The following CFAP206 variants were observed in gnomAD, a reference collection of about 807,000 sequenced individuals.
The protein encoded by CFAP206 is cilia- and flagella-associated protein 206.
Under a neutral mutation model 65.4 loss-of-function variants are expected in CFAP206, and 53 were observed. The ratio of observed to expected loss-of-function variants is 0.81; its 90% CI spans 0.65 to 1.02. The LOEUF is 1.02. Ranked by LOEUF, CFAP206 falls within the 50% of genes least tolerant of loss-of-function variation. The pLI is 0.00. For missense variants in CFAP206, 663 were observed against 753.2 expected (o/e 0.88, Z 1.40); for synonymous variants, 250 against 254.4 (o/e 0.98, Z 0.17).
At chr6:87,422,759 A>AAC (rs1554221027) in intron 7 of CFAP206, among the ~76,000 whole-genome samples, 13 of 151,330 alleles carry the variant, frequency 8.6e-5, no homozygotes, top group South Asian at 2.1e-4. Context: ...TCAAAAAAAA[A>AAC]AAAACAAAAC....
chr6:87,431,069 A>T lies in CFAP206; in HGVS notation c.1196A>T (p.Glu399Val). ...RVNVADFRKL[E>V]WLFPETTANF... ...AATGTGGCAGATTTCAGAAAACTAG[A>T]ATGGCTTTTCCCAGAAACAACAGCA... is the stretch of plus-strand genomic sequence containing the variant. The change falls in exon 10 of 13, where the codon GAA becomes GTA. Residue 399 changes from glutamate (E) to valine (V), a missense_variant. Glu to Val is a moderately radical substitution (Grantham distance 121). Transcript: ENST00000369562. 1 of 1,613,974 alleles carries T rather than the reference A, an allele frequency of 6.2e-7. No homozygotes were observed.
At chr6:87,450,475 A>ATGTG (rs55870560) in intron 11 of CFAP206, among the ~76,000 whole-genome samples, 1,571 of 130,378 alleles carry the variant, frequency 0.012, 13 homozygotes, top group South Asian at 0.027. Flanking sequence ...ATAAATGAAA[A>ATGTG]TGTGTGTGTG....
chr6:87,429,244 A>ATCTACCAGATGAGTAAGTGGCTTTTCAT (rs1562246916), intron 9 of CFAP206, among the ~76,000 whole-genome samples: 1 of 152,116 alleles, frequency 6.6e-6, no homozygotes, highest in African/African-American at 2.4e-5. Context: ...AAAAAAAAAA[A>ATCTACCAGATGAGTAAGTGGCTTTTCAT]AAAGCACTAA....
chr6:87,428,563 A>G lies in CFAP206; in HGVS notation c.961-63A>G, dbSNP rs1425273883. On this transcript the variant is annotated intron_variant, in intron 8 of 12. Coordinates refer to ENST00000369562, the MANE Select transcript of CFAP206 (RefSeq NM_001031743.3). ...AATGACAATTGTATTTATCTTAAAG[A>G]GTACAGTGATTTATAATTTTATTAC... 10 of 1,407,436 alleles carry G rather than the reference A, an allele frequency of 7.1e-6. No homozygotes were observed. The East Asian group carries it at 2.3e-4, about 32-fold the overall frequency. The allele number at this position is 1,407,436 out of a possible 1,614,324, so 87.2% of individuals were successfully genotyped here.
chr6:87,427,148 T>C (rs572052748), intron 8 of CFAP206, among the ~76,000 whole-genome samples: 33 of 152,322 alleles, frequency 2.2e-4, no homozygotes, highest in African/African-American at 6.7e-4. Context: ...TATTTATTTA[T>C]TTACTTCAAG....
At chr6:87,429,988 T>C (rs1207121852) in intron 9 of CFAP206, among the ~76,000 whole-genome samples, 1 of 152,222 alleles carries the variant, frequency 6.6e-6, no homozygotes, top group Non-Finnish European at 1.5e-5. Flanking sequence ...TATATTAAGC[T>C]AACCATATTG....
intron 11 of CFAP206, among the ~76,000 whole-genome samples, chr6:87,457,156 A>AC (rs1288152521): frequency 3.3e-5 from 5 of 151,558 alleles, no homozygotes; most frequent in Non-Finnish European, 5.9e-5. Flanking sequence ...TCTCAAAAAA[A>AC]AAAAAAAAAA....
chr6:87,437,806 C>T (rs1768299381), intron 11 of CFAP206, among the ~76,000 whole-genome samples: 1 of 149,542 alleles, frequency 6.7e-6, no homozygotes, highest in Non-Finnish European at 1.5e-5. Flanking sequence ...CACAGGCATG[C>T]ACCAACCATG....
At position 87,415,668 on chromosome 6, in the gene CFAP206, G is replaced by A. The variant is rs373849633; in HGVS notation, c.284-18G>A. On this transcript the variant is annotated intron_variant, in intron 4 of 12. Transcript: ENST00000369562. ...CTAAAAATTAAATATATAGAACATTGTTATTTGGCAATTTTAGTGGAATTT... is the reference window on the plus strand; with the variant it reads ...CTAAAAATTAAATATATAGAACATTATTATTTGGCAATTTTAGTGGAATTT... 88 of 1,596,014 alleles carry A rather than the reference G, an allele frequency of 5.5e-5. 1 individual carries two copies. The highest frequency in any genetic ancestry group is 7.1e-5 in the Non-Finnish European group (83 of 1,170,762).
At position 87,447,890 on chromosome 6, in the gene CFAP206, C is replaced by T. The variant is rs187223008; in HGVS notation, c.1494+12837C>T. Among the ~76,000 whole-genome samples the T allele has an allele frequency of 4.9e-3, 743 of 151,780 alleles. 1 individual carries two copies. Among genetic ancestry groups the T allele is most frequent in the African/African-American group, 0.017 (704 of 41,376 alleles). On this transcript the variant is annotated intron_variant, in intron 11 of 12. Coordinates refer to ENST00000369562, the MANE Select transcript of CFAP206 (RefSeq NM_001031743.3). ...TAGTCTATTCAGGATCCAACTTCTTCCTGGTTCAGTCTTGGGAGGGTGTAT... is the reference window on the plus strand; with the variant it reads ...TAGTCTATTCAGGATCCAACTTCTTTCTGGTTCAGTCTTGGGAGGGTGTAT...
intron 12 of CFAP206, among the ~76,000 whole-genome samples, chr6:87,461,823 C>T (rs1224963042): frequency 6.6e-6 from 1 of 152,050 alleles, no homozygotes; most frequent in Non-Finnish European, 1.5e-5. Flanking sequence ...CAAAGCAAGG[C>T]TATTTATTTA....
chr6:87,415,162 A>C (rs1010918905), intron 4 of CFAP206, among the ~76,000 whole-genome samples: 6 of 152,100 alleles, frequency 3.9e-5, no homozygotes, highest in African/African-American at 1.4e-4. Context: ...CGTATTATCA[A>C]TAATGCTTTT....
chr6:87,451,130 A>G (rs1453973056), intron 11 of CFAP206, among the ~76,000 whole-genome samples: 1 of 152,154 alleles, frequency 6.6e-6, no homozygotes, highest in Non-Finnish European at 1.5e-5. Flanking sequence ...CACACAGACT[A>G]CAGTTCCTGG....
intron 12 of CFAP206, among the ~76,000 whole-genome samples, chr6:87,462,697 G>T (rs1768767311): frequency 6.6e-6 from 1 of 152,120 alleles, no homozygotes; most frequent in Non-Finnish European, 1.5e-5. Context: ...TGACAGCATA[G>T]GTATGGACTG....
intron 11 of CFAP206, chr6:87,441,434 G>A (rs911394468): frequency 1.3e-5 from 2 of 157,344 alleles, no homozygotes; most frequent in Non-Finnish European, 2.8e-5. Context: ...TGTTTCTGGA[G>A]TGATGTGAAT....
intron 7 of CFAP206, among the ~76,000 whole-genome samples, chr6:87,418,900 C>T (rs76511443): frequency 0.038 from 5,728 of 152,018 alleles, 132 homozygotes; most frequent in Middle Eastern, 0.075. Flanking sequence ...TCGCTTGAGC[C>T]CAAGAGTTCA....
At chr6:87,426,738 C>A in intron 8 of CFAP206, 93 bp downstream of exon 8, 2 of 958,688 alleles carry the variant, frequency 2.1e-6, no homozygotes, top group Non-Finnish European at 2.8e-6. Context: ...TATTTAATTT[C>A]TAAAAATATA....
At chr6:87,417,792 G>C (rs1435023676) in intron 6 of CFAP206, among the ~76,000 whole-genome samples, 1 of 106,058 alleles carries the variant, frequency 9.4e-6, no homozygotes, top group Non-Finnish European at 1.8e-5. Context: ...TTTCGTTCTT[G>C]TCGCCCAGAT....
intron 11 of CFAP206, among the ~76,000 whole-genome samples, chr6:87,443,128 G>A (rs1195824296): frequency 6.6e-6 from 1 of 152,076 alleles, no homozygotes; most frequent in African/African-American, 2.4e-5. Flanking sequence ...TAAACTATAA[G>A]TTTAACTACT....
Sources: allele counts gnomAD v4.1 joint callset (sites outside exome capture counted in the v4.1 genomes callset), GRCh38; gene constraint gnomAD v4.1.1; transcripts MANE v1.5; gene names NCBI Gene and HGNC (gene_info 2026-07-23, HGNC 2026-07-21).